IRAK3: variants seen among roughly 807,000 people sequenced by gnomAD.
IRAK3 encodes interleukin 1 receptor associated kinase 3.
IRAK3 carries 57 observed loss-of-function variants against 56.6 expected under a neutral mutation model. That is an observed-to-expected ratio of 1.01 (90% CI 0.81 to 1.26). The LOEUF is 1.26. Ranked by LOEUF, IRAK3 falls within the 50% of genes most tolerant of loss-of-function variation. The probability of loss-of-function intolerance (pLI) is 0.00; values close to 1 mark genes in which losing one functional copy is unlikely to be tolerated. For missense variants in IRAK3, 703 were observed against 719.0 expected (o/e 0.98, Z 0.25); for synonymous variants, 258 against 255.7 (o/e 1.01, Z -0.09).
Position 66,197,684 on chromosome 12 carries a change from T to C in IRAK3, c.134-6027T>C, listed in dbSNP as rs1017700233. 4 of 985,342 alleles carry C rather than the reference T, an allele frequency of 4.1e-6. No individual in the cohort carries two copies. The African/African-American group carries it at 7.0e-5, about 17-fold the overall frequency. 61.0% of individuals were successfully genotyped at this position (985,342 alleles called of 1,614,324 possible). Reference sequence around the variant, plus strand: ...TGCTATTAGAAAAAATGCCTTTGTCTAATCTAGCTTTCCTTAGATGTGATG... The same window carrying C: ...TGCTATTAGAAAAAATGCCTTTGTCCAATCTAGCTTTCCTTAGATGTGATG... On this transcript the variant is annotated intron_variant, in intron 1 of 11. Coordinates refer to ENST00000261233, the MANE Select transcript of IRAK3 (RefSeq NM_007199.3).
rs564040733 is a variant in IRAK3 at position 66,248,317 on chromosome 12, T to A, written c.*146T>A. ...TGATGCAGATAAACAATCTGGATAA[T>A]TCCATTTCTTTTTTCCCAAACCCTC... On this transcript the variant is annotated 3_prime_UTR_variant, in exon 12 of 12. Coordinates refer to ENST00000261233, the MANE Select transcript of IRAK3 (RefSeq NM_007199.3). 53 of 622,622 alleles carry A rather than the reference T, an allele frequency of 8.5e-5. 1 individual carries two copies. The highest frequency in any genetic ancestry group is 7.5e-4 in the African/African-American group (41 of 54,662). 38.6% of individuals were successfully genotyped at this position (622,622 alleles called of 1,614,324 possible).
rs60798974 is a variant in IRAK3, at chr12:66,214,818, A to G, written c.589-2353A>G. Among the ~76,000 whole-genome samples the G allele has an allele frequency of 1.7e-3, 262 of 152,310 alleles. 2 individuals carry two copies. Among genetic ancestry groups the G allele is most frequent in the African/African-American group, 5.9e-3 (245 of 41,556 alleles). Reference sequence around the variant, plus strand: ...CCCAAGGTGGTTCACATGTGTAGCCACTGTTGAGAGTTAATGCTGTTAGCC... The same window carrying G: ...CCCAAGGTGGTTCACATGTGTAGCCGCTGTTGAGAGTTAATGCTGTTAGCC... On this transcript the variant is annotated intron_variant, in intron 5 of 11. Coordinates refer to ENST00000261233, the MANE Select transcript of IRAK3 (RefSeq NM_007199.3).
At chr12:66,227,717 G>C (rs1442881454) in intron 7 of IRAK3, among the ~76,000 whole-genome samples, 1 of 149,652 alleles carries the variant, frequency 6.7e-6, no homozygotes, top group Non-Finnish European at 1.5e-5. Context: ...CTATGATTCT[G>C]CCACTGTACT....
Position 66,251,052 on chromosome 12 carries a change from T to C in IRAK3, c.*2881T>C, listed in dbSNP as rs1218583994. On this transcript the variant is annotated 3_prime_UTR_variant, in exon 12 of 12. Coordinates refer to ENST00000261233, the MANE Select transcript of IRAK3 (RefSeq NM_007199.3). ...ATCCTTTCTTTTCATTCTGTTATAT[T>C]CATCCTATTACATAGGATGTTGGTT... 1 of 152,224 alleles carries C rather than the reference T, an allele frequency of 6.6e-6. No individual in the cohort carries two copies. Among genetic ancestry groups the C allele is most frequent in the Non-Finnish European group, 1.5e-5 (1 of 68,030 alleles). The allele number at this position is 152,224 out of a possible 1,614,324, so 9.4% of individuals were successfully genotyped here.
At chr12:66,218,851 A>G (rs1241697936) in intron 6 of IRAK3, among the ~76,000 whole-genome samples, 1 of 152,130 alleles carries the variant, frequency 6.6e-6, no homozygotes, top group Non-Finnish European at 1.5e-5. Flanking sequence ...AGCCCTTGGT[A>G]ACTATTTTTC....
intron 5 of IRAK3, among the ~76,000 whole-genome samples, chr12:66,216,209 A>G (rs186161321): frequency 1.4e-3 from 207 of 152,328 alleles, no homozygotes; most frequent in African/African-American, 4.8e-3. Context: ...AAGTTAAGTG[A>G]CTGACAAAGA....
chr12:66,210,402 A>G (rs569256238), intron 4 of IRAK3, among the ~76,000 whole-genome samples: 3 of 151,144 alleles, frequency 2.0e-5, no homozygotes, highest in South Asian at 4.2e-4. Flanking sequence ...TTAAGGCTCC[A>G]TTGGCTAATG....
In IRAK3 at chr12:66,211,484, A is replaced by G. The variant is rs376414652; in HGVS notation, c.475A>G (p.Ile159Val). 1.2e-6 allele frequency: 2 copies of G among 1,602,518 alleles called. No individual in the cohort carries two copies. The highest frequency in any genetic ancestry group is 1.7e-6 in the Non-Finnish European group (2 of 1,169,260). Reference sequence around the variant, plus strand: ...ATCTTCCATCAGCTTTCAAAATATCATAGAAGGAACTAGAAATTTCCACAA... The same window carrying G: ...ATCTTCCATCAGCTTTCAAAATATCGTAGAAGGAACTAGAAATTTCCACAA... ...LKSSISFQNI[I>V]EGTRNFHKDF... The change falls in exon 5 of 12, where the codon ATA becomes GTA. Residue 159 changes from isoleucine to valine, a missense_variant. Physicochemically the swap from Ile to Val is conservative, Grantham distance 29. Coordinates refer to ENST00000261233, the MANE Select transcript of IRAK3 (RefSeq NM_007199.3).
intron 6 of IRAK3, among the ~76,000 whole-genome samples, chr12:66,222,407 G>A (rs992083010): frequency 4.6e-5 from 7 of 152,000 alleles, no homozygotes; most frequent in Non-Finnish European, 4.4e-5. Context: ...TTGGTGGATT[G>A]TATGTTTCTA....
chr12:66,245,340 A>T, intron 11 of IRAK3, 78 bp downstream of exon 11: 1 of 1,436,992 alleles, frequency 7.0e-7, no homozygotes, highest in Non-Finnish European at 9.8e-7. Context: ...TTGTGTATCT[A>T]AGTGAATTAT....
rs1443902704 is a variant in IRAK3 at position 66,252,332 on chromosome 12, G to C, written c.*4161G>C. The C allele has an allele frequency of 6.6e-6, 1 of 152,188 alleles. No individual in the cohort carries two copies. Among genetic ancestry groups the C allele is most frequent in the Admixed American group, 6.5e-5 (1 of 15,268 alleles). 9.4% of individuals were successfully genotyped at this position (152,188 alleles called of 1,614,324 possible). A position where few individuals can be genotyped will look rare whatever the true frequency, so the allele number is the denominator to read the frequency against. On this transcript the variant is annotated 3_prime_UTR_variant, in exon 12 of 12. Coordinates refer to ENST00000261233, the MANE Select transcript of IRAK3 (RefSeq NM_007199.3). ...ACATTTGTCTGACTTCAAAATCCAT[G>C]CTTTTTCTTGTGTTCCAAATTGCAC...
In IRAK3 at chr12:66,225,046, C is replaced by T. The variant is rs560888202; in HGVS notation, c.654-1677C>T. Among the ~76,000 whole-genome samples, 693 of 152,244 alleles carry T rather than the reference C, an allele frequency of 4.6e-3. 3 individuals carry two copies. Among genetic ancestry groups the T allele is most frequent in the Non-Finnish European group, 8.2e-3 (560 of 68,014 alleles). On this transcript the variant is annotated intron_variant, in intron 6 of 11. Transcript: ENST00000261233. ...CATACCTTGGTAACCTCTAAAGTAT[C>T]CGTTTTTCTGTTTGATCAGTAATAC...
At chr12:66,207,763 G>T (rs1410871479) in intron 2 of IRAK3, among the ~76,000 whole-genome samples, 1 of 151,806 alleles carries the variant, frequency 6.6e-6, no homozygotes, top group African/African-American at 2.4e-5. Flanking sequence ...TTTCTCTCAT[G>T]ACTTCTTTTT....
intron 8 of IRAK3, chr12:66,234,562 C>G: frequency 1.9e-6 from 3 of 1,611,846 alleles, no homozygotes; most frequent in Non-Finnish European, 2.5e-6. Flanking sequence ...CTTCTCTATG[C>G]CATGGTCTTC....
intron 8 of IRAK3, chr12:66,235,344 T>G: frequency 9.4e-7 from 1 of 1,059,886 alleles, no homozygotes; most frequent in Non-Finnish European, 1.1e-6. Flanking sequence ...CGGGGCAGCC[T>G]CGCCGCGAGG....
chr12:66,221,303 G>C (rs116290619), intron 6 of IRAK3, among the ~76,000 whole-genome samples: 1 of 152,096 alleles, frequency 6.6e-6, no homozygotes, highest in African/African-American at 2.4e-5. Context: ...GTCATCTGTA[G>C]ACAGAGCCAC....
rs35574245 is a variant in IRAK3 at position 66,228,346 on chromosome 12, C to T, written c.863C>T (p.Ser288Leu). The T allele has an allele frequency of 2.1e-4, 346 of 1,613,284 alleles. 3 individuals carry two copies. The Middle Eastern group carries it at 6.4e-3, about 30-fold the overall frequency. The change falls in exon 8 of 12, where the codon TCG (serine) becomes TTG (leucine). Residue 288 changes from serine (S) to leucine (L), a missense_variant. Transcript: ENST00000261233. ...IHYLHNVQPCSVICGSISSAN... is the reference protein window; with the variant it reads ...IHYLHNVQPCLVICGSISSAN... ...TACCTGCACAACGTTCAACCATGCT[C>T]GGTCATCTGTGGCAGTATATCAAGG...
chr12:66,211,944 C>T (rs11465961), intron 5 of IRAK3, among the ~76,000 whole-genome samples: 3,322 of 152,130 alleles, frequency 0.022, 50 homozygotes, highest in Middle Eastern at 0.051. Flanking sequence ...AACCCTGTCT[C>T]TACTAAAAAC....
At position 66,247,730 on chromosome 12, in the gene IRAK3, G is replaced by A; in HGVS notation, c.1350G>A (p.Leu450=). The A allele has an allele frequency of 6.2e-7, 1 of 1,614,006 alleles. No individual in the cohort carries two copies. Among genetic ancestry groups the A allele is most frequent in the Non-Finnish European group, 8.5e-7 (1 of 1,179,858 alleles). ...LNTLESTQAS[L]YFAEDPPTSL... ...CTCTTGAAAGTACTCAAGCCAGCTTGTATTTTGCTGAAGATCCTCCCACAT... is the reference window on the plus strand; with the variant it reads ...CTCTTGAAAGTACTCAAGCCAGCTTATATTTTGCTGAAGATCCTCCCACAT... Residue 450 remains leucine (L), a synonymous_variant, in exon 12 of 12, where the codon TTG becomes TTA. Coordinates refer to ENST00000261233, the MANE Select transcript of IRAK3 (RefSeq NM_007199.3).
Sources: gnomAD v4.1 joint callset for allele counts (sites outside exome capture counted in the v4.1 genomes callset) on GRCh38, gnomAD v4.1.1 for gene constraint, MANE v1.5 for transcripts, NCBI Gene and HGNC (gene_info 2026-07-23, HGNC 2026-07-21) for gene names.